CRACDL: variants seen among roughly 807,000 people sequenced by gnomAD.
The protein encoded by CRACDL is CRACD like.
In CRACDL, 26 loss-of-function variants were observed where a neutral mutation model predicts 70.6. The ratio of observed to expected loss-of-function variants is 0.37; its 90% CI spans 0.27 to 0.51. The LOEUF (loss-of-function observed/expected upper bound fraction) is 0.51, where lower values mean the gene tolerates loss of function less well. Among genes scored for constraint, CRACDL ranks in the 20% least tolerant of loss-of-function variants. The pLI is 0.94. For missense variants in CRACDL, 1,283 were observed against 1,376.9 expected, an observed-to-expected ratio of 0.93 and a Z score of 1.08; for synonymous variants, 618 against 615.2, an observed-to-expected ratio of 1.00 and a Z score of -0.07.
intron 1 of CRACDL, among the ~76,000 whole-genome samples, chr2:98,874,979 G>A (rs1707446913): frequency 6.6e-6 from 1 of 152,084 alleles, no homozygotes; most frequent in South Asian, 2.1e-4. Flanking sequence ...CAATGCCCCC[G>A]ACAAGGCCTG....
At chr2:98,803,155 A>G (rs915958634) in intron 7 of CRACDL, among the ~76,000 whole-genome samples, 6 of 151,858 alleles carry the variant, frequency 4.0e-5, no homozygotes, top group Middle Eastern at 3.2e-3. Context: ...ATGCACCACC[A>G]CGCTCAGCTA....
intron 7 of CRACDL, among the ~76,000 whole-genome samples, chr2:98,799,457 T>C (rs1703982284): frequency 6.6e-6 from 1 of 151,954 alleles, no homozygotes; most frequent in East Asian, 1.9e-4. Context: ...CGGCTCTCAC[T>C]CCTTTTTCTG....
In CRACDL at chr2:98,822,509, G is replaced by A. The variant is rs1290932460; in HGVS notation, c.1764C>T (p.Ser588=). 3 of 1,458,490 alleles carry A rather than the reference G, an allele frequency of 2.1e-6. No individual in the cohort carries two copies. The highest frequency in any genetic ancestry group is 2.7e-6 in the Non-Finnish European group (3 of 1,114,152). The allele number at this position is 1,458,490 out of a possible 1,614,324, so 90.3% of individuals were successfully genotyped here. A position where few individuals can be genotyped will look rare whatever the true frequency, so the allele number is the denominator to read the frequency against. The change falls in exon 7 of 10, where the codon TCC becomes TCT. Residue 588 remains serine, a synonymous_variant. Coordinates refer to ENST00000397899, the MANE Select transcript of CRACDL (RefSeq NM_207362.3). The surrounding 1 kb of genome is among the most constrained non-coding windows in gnomAD (Gnocchi z 4.9). ...SCRARPRPGV[S]RPLERASGRL... ...GGCCGCTGGCCCGTTCCAGCGGGCG[G>A]GAGACGCCCGGACGAGGCCGCGCTC...
chr2:98,831,081 C>G (rs1257317844), intron 5 of CRACDL, among the ~76,000 whole-genome samples: 1 of 152,192 alleles, frequency 6.6e-6, no homozygotes, highest in African/African-American at 2.4e-5. Context: ...TCGGTGAAGT[C>G]TATGAAATAG....
In CRACDL at chr2:98,796,391, G is replaced by A. The variant is rs772402508; in HGVS notation, c.2605-127C>T. The A allele has an allele frequency of 8.2e-4, 762 of 926,000 alleles. 1 individual carries two copies. Among genetic ancestry groups the A allele is most frequent in the Non-Finnish European group, 1.1e-3 (668 of 603,704 alleles). 57.4% of individuals were successfully genotyped at this position (926,000 alleles called of 1,614,324 possible). A position where few individuals can be genotyped will look rare whatever the true frequency, so the allele number is the denominator to read the frequency against. ...TGCACTGCTGGCACTTTCTCGGGAG[G>A]GCGCCCTGGTGTCAGCTCACTAACA... On this transcript the variant is annotated intron_variant, in intron 8 of 9. Coordinates refer to ENST00000397899, the MANE Select transcript of CRACDL (RefSeq NM_207362.3).
chr2:98,843,349 C>T (rs1444350562), intron 2 of CRACDL, among the ~76,000 whole-genome samples: 1 of 152,092 alleles, frequency 6.6e-6, no homozygotes, highest in South Asian at 2.1e-4. Flanking sequence ...TGTGACTTGT[C>T]TTTTCATTTT....
chr2:98,873,639 A>G (rs1343164163), intron 1 of CRACDL, among the ~76,000 whole-genome samples: 1 of 152,154 alleles, frequency 6.6e-6, no homozygotes, highest in Non-Finnish European at 1.5e-5. Flanking sequence ...ACCCTCACCC[A>G]CTCATGGGGA....
At chr2:98,909,714 T>A (rs191889356) in intron 1 of CRACDL, among the ~76,000 whole-genome samples, 4 of 152,266 alleles carry the variant, frequency 2.6e-5, no homozygotes, top group Admixed American at 2.6e-4. Context: ...AAACGCTCCA[T>A]CTGTTAGCAC....
chr2:98,826,435 A>G (rs1262281949), intron 6 of CRACDL, among the ~76,000 whole-genome samples: 3 of 152,244 alleles, frequency 2.0e-5, no homozygotes, highest in African/African-American at 7.2e-5. Context: ...AAGACTGGCA[A>G]TAAGAGCACA....
chr2:98,889,131 A>C (rs1427795641), intron 1 of CRACDL, among the ~76,000 whole-genome samples: 3 of 151,236 alleles, frequency 2.0e-5, no homozygotes, highest in African/African-American at 7.3e-5. Flanking sequence ...TGTCAAAAAA[A>C]AAAGGGGGGG....
At chr2:98,846,710 G>T in intron 2 of CRACDL, 21 bp downstream of exon 2, 8 of 1,598,020 alleles carry the variant, frequency 5.0e-6, no homozygotes, top group Non-Finnish European at 6.0e-6. Context: ...CCTCCCCAGA[G>T]CAGGGGAAGC....
intron 1 of CRACDL, among the ~76,000 whole-genome samples, chr2:98,915,932 C>T (rs1032267947): frequency 1.8e-4 from 28 of 152,160 alleles, no homozygotes; most frequent in African/African-American, 6.0e-4. Context: ...TTGTGTTTGA[C>T]GAATGACAGC....
At chr2:98,837,775 A>G (rs1705860424) in intron 3 of CRACDL, among the ~76,000 whole-genome samples, 1 of 152,162 alleles carries the variant, frequency 6.6e-6, no homozygotes, top group Admixed American at 6.5e-5. Flanking sequence ...TATAGCATCT[A>G]GGTCCTCAAA....
intron 1 of CRACDL, among the ~76,000 whole-genome samples, chr2:98,917,272 T>C (rs1708689278): frequency 6.6e-6 from 1 of 152,212 alleles, no homozygotes. Flanking sequence ...ATATGTAACA[T>C]TGTGATGAAC....
intron 7 of CRACDL, among the ~76,000 whole-genome samples, chr2:98,814,743 T>A (rs1240001119): frequency 6.6e-6 from 1 of 152,168 alleles, no homozygotes; most frequent in Non-Finnish European, 1.5e-5. Context: ...TTCTACCTGC[T>A]ACTTTTCTTG....
intron 2 of CRACDL, among the ~76,000 whole-genome samples, 154 bp from the exon 3 acceptor site, chr2:98,838,441 A>T (rs191794513): frequency 6.6e-6 from 1 of 152,340 alleles, no homozygotes; most frequent in Admixed American, 6.5e-5. Flanking sequence ...GCAAAAGTAC[A>T]TGGTATACCA....
chr2:98,895,089 C>A (rs933927048), intron 1 of CRACDL, among the ~76,000 whole-genome samples: 5 of 152,114 alleles, frequency 3.3e-5, no homozygotes, highest in Non-Finnish European at 5.9e-5. Flanking sequence ...CCAGCCTGGG[C>A]AACAGAGGAG....
At chr2:98,870,554 C>A (rs949443014) in intron 1 of CRACDL, among the ~76,000 whole-genome samples, 1 of 149,372 alleles carries the variant, frequency 6.7e-6, no homozygotes. Flanking sequence ...GGTGGAGAGT[C>A]CCCTGTATCC....
intron 1 of CRACDL, among the ~76,000 whole-genome samples, chr2:98,892,388 TA>T (rs553655325): frequency 1.0e-3 from 149 of 149,252 alleles, no homozygotes; most frequent in East Asian, 4.3e-3. Context: ...TATTGTAAAT[TA>T]AAAAAAAAAG....
Sources: gnomAD v4.1 joint callset for allele counts (sites outside exome capture counted in the v4.1 genomes callset) on GRCh38, gnomAD v4.1.1 for gene constraint, Gnocchi (gnomAD v3.1) non-coding constraint, MANE v1.5 for transcripts, NCBI Gene and HGNC (gene_info 2026-07-23, HGNC 2026-07-21) for gene names.